Variants in MGAT4C observed in about 807,000 individuals in gnomAD.
The protein encoded by MGAT4C is alpha-1,3-mannosyl-glycoprotein 4-beta-N-acetylglucosaminyltransferase C.
Under a neutral mutation model 40.1 loss-of-function variants are expected in MGAT4C, and 19 were observed. The ratio of observed to expected loss-of-function variants is 0.47; its 90% confidence interval spans 0.33 to 0.70. The LOEUF is 0.70. Among genes scored for constraint, MGAT4C ranks in the 30% least tolerant of loss-of-function variants. MGAT4C has a pLI of 0.02. For missense variants in MGAT4C, 491 were observed against 563.2 expected (o/e 0.87, Z 1.30); for synonymous variants, 181 against 187.1 (o/e 0.97, Z 0.27).
intron 4 of MGAT4C, among the ~76,000 whole-genome samples, chr12:86,307,726 G>A (rs1358556780): frequency 1.3e-5 from 2 of 149,756 alleles, no homozygotes; most frequent in Non-Finnish European, 2.9e-5. Context: ...TTTTTGAGAC[G>A]TTGTCTAGCT....
At chr12:86,537,841 C>T (rs58524499) in intron 2 of MGAT4C, among the ~76,000 whole-genome samples, 3,180 of 152,218 alleles carry the variant, frequency 0.021, 107 homozygotes, top group African/African-American at 0.072. Context: ...AATCCCAACA[C>T]TTTGGGAGGC....
intron 2 of MGAT4C, among the ~76,000 whole-genome samples, chr12:86,656,134 G>A (rs940937224): frequency 6.6e-6 from 1 of 151,864 alleles, no homozygotes; most frequent in Non-Finnish European, 1.5e-5. Context: ...TAAAATTTAA[G>A]CTGCCTAAAA....
chr12:86,557,952 T>A (rs781604933), intron 2 of MGAT4C, among the ~76,000 whole-genome samples: 1 of 151,234 alleles, frequency 6.6e-6, no homozygotes, highest in Non-Finnish European at 1.5e-5. Flanking sequence ...AGAACACAGA[T>A]AAACCATACA....
At chr12:86,390,947 A>G (rs1452546797) in intron 3 of MGAT4C, among the ~76,000 whole-genome samples, 1 of 152,194 alleles carries the variant, frequency 6.6e-6, no homozygotes, top group East Asian at 1.9e-4. Context: ...CTCATGCATT[A>G]ATCTCATGGA....
chr12:86,406,398 AAAGG>A (rs1453759930), intron 3 of MGAT4C, among the ~76,000 whole-genome samples: 3 of 152,036 alleles, frequency 2.0e-5, no homozygotes, highest in Admixed American at 2.0e-4. Flanking sequence ...AAAACTCAAC[AAAGG>A]AAGACAATCT....
chr12:86,082,585 G>C (rs895865431), intron 1 of MGAT4C, among the ~76,000 whole-genome samples: 1 of 152,098 alleles, frequency 6.6e-6, no homozygotes, highest in Non-Finnish European at 1.5e-5. Flanking sequence ...ACACAGCACA[G>C]TTGTGAGTAG....
At chr12:86,072,026 T>TTGTGTGTG (rs71076158) in intron 1 of MGAT4C, among the ~76,000 whole-genome samples, 7,713 of 148,994 alleles carry the variant, frequency 0.052, 487 homozygotes, top group African/African-American at 0.15. Flanking sequence ...GCATAGGGTT[T>TTGTGTGTG]TGTGTGTGTG....
At chr12:86,694,844 A>G (rs1397337251) in intron 2 of MGAT4C, among the ~76,000 whole-genome samples, 2 of 152,314 alleles carry the variant, frequency 1.3e-5, no homozygotes, top group Admixed American at 1.3e-4. Context: ...GCTCTCTGGA[A>G]CATTGGTCTG....
intron 2 of MGAT4C, among the ~76,000 whole-genome samples, chr12:86,695,279 C>T (rs1009257672): frequency 2.0e-5 from 3 of 151,960 alleles, no homozygotes; most frequent in Non-Finnish European, 2.9e-5. Context: ...AAAATGCTGT[C>T]GAGGAAATAG....
chr12:86,830,031 A>G (rs1226809954), intron 1 of MGAT4C, among the ~76,000 whole-genome samples: 1 of 151,484 alleles, frequency 6.6e-6, no homozygotes, highest in Non-Finnish European at 1.5e-5. Context: ...TACCTCATGA[A>G]CATATAGGGT....
At chr12:86,716,605 G>A (rs1249831317) in intron 2 of MGAT4C, among the ~76,000 whole-genome samples, 1 of 152,054 alleles carries the variant, frequency 6.6e-6, no homozygotes, top group Admixed American at 6.6e-5. Flanking sequence ...TTAATAGTTT[G>A]CCAATTGATT....
In MGAT4C at chr12:86,356,681, G is replaced by A. The variant is rs868606860; in HGVS notation, c.-119-22554C>T. The stretch of plus-strand genomic sequence containing the variant: ...GGCACACCAGGAGATTATATCCCGC[G>A]TCTGGCTCAGAGGGTCTTACACCCA... On this transcript the variant is annotated intron_variant, in intron 3 of 7. Coordinates refer to the MGAT4C transcript ENST00000548651. 4.7e-4 allele frequency among the ~76,000 whole-genome samples: 72 copies of A among 152,250 alleles called. No homozygotes were observed. The Middle Eastern group carries it at 0.014, about 29-fold the overall frequency.
At chr12:86,248,756 A>G (rs903042430) in intron 1 of MGAT4C, among the ~76,000 whole-genome samples, 1 of 152,136 alleles carries the variant, frequency 6.6e-6, no homozygotes, top group African/African-American at 2.4e-5. Flanking sequence ...GAGCGGTCAT[A>G]CATAAAGCCT....
At chr12:86,378,622 C>G (rs946307180) in intron 3 of MGAT4C, among the ~76,000 whole-genome samples, 2 of 151,996 alleles carry the variant, frequency 1.3e-5, no homozygotes, top group East Asian at 3.9e-4. Flanking sequence ...GAGGAAGACA[C>G]AGAAATAATG....
intron 1 of MGAT4C, among the ~76,000 whole-genome samples, chr12:86,063,576 C>T (rs895750973): frequency 1.2e-4 from 18 of 152,040 alleles, no homozygotes; most frequent in African/African-American, 4.1e-4. Flanking sequence ...AGACACAGAC[C>T]GACAAACTGG....
chr12:86,218,631 T>A (rs1950761062), intron 1 of MGAT4C, among the ~76,000 whole-genome samples: 1 of 152,152 alleles, frequency 6.6e-6, no homozygotes, highest in Non-Finnish European at 1.5e-5. Flanking sequence ...TTTAACTGAG[T>A]AAGAATTCCC....
chr12:86,071,972 C>G (rs985300512), intron 1 of MGAT4C, among the ~76,000 whole-genome samples: 2 of 151,728 alleles, frequency 1.3e-5, no homozygotes, highest in Non-Finnish European at 2.9e-5. Context: ...CTCTCATTAG[C>G]TTTCATTTCT....
At chr12:85,983,122 C>A (rs1884803195) in intron 4 of MGAT4C, among the ~76,000 whole-genome samples, 1 of 141,456 alleles carries the variant, frequency 7.1e-6, no homozygotes, top group African/African-American at 2.5e-5. Context: ...ACCTAGGAAA[C>A]TAAAACACTG....
In MGAT4C at chr12:86,836,747, A is replaced by G. The variant is rs541435626; in HGVS notation, c.-262+1919T>C. ...ATGTTATATTCATCTAACATTCAAA[A>G]GGCAAATTAAAGAATATATTGCTAA... On this transcript the variant is annotated intron_variant, in intron 1 of 7. Transcript: ENST00000548651. Among the ~76,000 whole-genome samples, 3 of 152,112 alleles carry G rather than the reference A, an allele frequency of 2.0e-5. No individual in the cohort carries two copies. In the South Asian group the frequency reaches 6.2e-4, roughly 32 times the overall value.
Sources: gnomAD v4.1 joint callset for allele counts (sites outside exome capture counted in the v4.1 genomes callset) on GRCh38, gnomAD v4.1.1 for gene constraint, MANE v1.5 for transcripts, NCBI Gene and HGNC (gene_info 2026-07-23, HGNC 2026-07-21) for gene names.